Variants in PRKN observed in about 807,000 individuals in gnomAD.
PRKN encodes parkin RBR E3 ubiquitin protein ligase.
PRKN carries 56 observed loss-of-function variants against 59.5 expected under a neutral mutation model. The ratio of observed to expected loss-of-function variants is 0.94; its 90% confidence interval spans 0.76 to 1.18. The LOEUF is 1.18. Ranked by LOEUF, PRKN falls within the 50% of genes most tolerant of loss-of-function variation. The pLI, the probability that PRKN is intolerant of heterozygous loss-of-function variation, is 0.00. For synonymous variants in PRKN, 250 were observed against 222.1 expected (o/e 1.13, Z -1.12); for missense variants, 657 against 596.4 (o/e 1.10, Z -1.06).
intron 7 of PRKN, 127 bp downstream of exon 7, chr6:161,785,645 A>T: frequency 1.1e-6 from 1 of 916,290 alleles, no homozygotes; most frequent in East Asian, 2.6e-5. Context: ...AATGTTTCAT[A>T]TCCAGCAATG....
chr6:161,545,567 A>C lies in PRKN; in HGVS notation c.1083+3287T>G, dbSNP rs1779767843. 1.4e-6 allele frequency: 1 copy of C among 704,252 alleles called. No homozygotes were observed. Among genetic ancestry groups the C allele is most frequent in the Non-Finnish European group, 2.5e-6 (1 of 393,558 alleles). 43.6% of individuals were successfully genotyped at this position (704,252 alleles called of 1,614,324 possible). A position where few individuals can be genotyped will look rare whatever the true frequency, so the allele number is the denominator to read the frequency against. On this transcript the variant is annotated intron_variant, in intron 9 of 11. Coordinates refer to ENST00000366898, the MANE Select transcript of PRKN (RefSeq NM_004562.3). This position sits in a 1 kb window ranked among gnomAD's most constrained non-coding sequence, Gnocchi z 4.1. ...ACAATGGCTTTCCATTACACTCCTT[A>C]AACCCAGAAAAGATGGGCAGCTTAC...
intron 6 of PRKN, among the ~76,000 whole-genome samples, chr6:161,866,793 T>C (rs1392718118): frequency 6.6e-6 from 1 of 151,942 alleles, no homozygotes; most frequent in East Asian, 1.9e-4. Flanking sequence ...TGTGAGTAGG[T>C]GTGGGAGGAT....
intron 5 of PRKN, among the ~76,000 whole-genome samples, chr6:161,975,899 G>A (rs1477592430): frequency 2.6e-5 from 4 of 152,072 alleles, no homozygotes; most frequent in Non-Finnish European, 5.9e-5. Context: ...CAAAAATCTG[G>A]AGTGTGCCAT....
chr6:162,611,297 T>A (rs1418467358), intron 1 of PRKN, among the ~76,000 whole-genome samples: 2 of 152,138 alleles, frequency 1.3e-5, no homozygotes, highest in African/African-American at 4.8e-5. Flanking sequence ...TTTCAAATAT[T>A]TGGATGATAG....
chr6:161,931,900 A>T (rs926400230), intron 6 of PRKN, among the ~76,000 whole-genome samples: 4 of 152,204 alleles, frequency 2.6e-5, no homozygotes, highest in African/African-American at 9.6e-5. Context: ...AAATGATTTA[A>T]TTTCTTACCG....
chr6:161,495,407 A>G lies in PRKN; in HGVS notation c.1083+53447T>C, dbSNP rs143912543. Reference sequence around the variant, plus strand: ...TTCTCCTCCCGTCTGCAGTATAAGAAGCCTTCACTGGGCACGTGTCTGCCA... The same window carrying G: ...TTCTCCTCCCGTCTGCAGTATAAGAGGCCTTCACTGGGCACGTGTCTGCCA... On this transcript the variant is annotated intron_variant, in intron 9 of 11. Transcript: ENST00000366898. Among the ~76,000 whole-genome samples, 242 of 152,348 alleles carry G rather than the reference A, an allele frequency of 1.6e-3. 1 individual carries two copies. In the Middle Eastern group the frequency reaches 0.017, roughly 11 times the overall value.
chr6:161,455,787 C>T (rs539440885), intron 9 of PRKN, among the ~76,000 whole-genome samples: 6 of 149,738 alleles, frequency 4.0e-5, no homozygotes, highest in Non-Finnish European at 7.4e-5. Flanking sequence ...CTCTCGAACC[C>T]GGGAGGCGGA....
At chr6:162,717,859 C>A (rs557669236) in intron 1 of PRKN, among the ~76,000 whole-genome samples, 7 of 152,288 alleles carry the variant, frequency 4.6e-5, no homozygotes, top group African/African-American at 1.7e-4. Flanking sequence ...AAAGTAGAAT[C>A]CGTTTTAAAT....
intron 9 of PRKN, among the ~76,000 whole-genome samples, chr6:161,481,122 T>C (rs2315314): frequency 0.46 from 70,151 of 152,116 alleles, 17,771 homozygotes; most frequent in Middle Eastern, 0.59. Context: ...AAATATTACA[T>C]GCCACCATAG....
At chr6:162,041,121 G>A (rs930991230) in intron 5 of PRKN, among the ~76,000 whole-genome samples, 51 of 152,064 alleles carry the variant, frequency 3.4e-4, no homozygotes, top group Non-Finnish European at 7.4e-5. Context: ...GGAGGCAGGG[G>A]TTGCGACCAG....
intron 6 of PRKN, among the ~76,000 whole-genome samples, chr6:161,832,343 G>A (rs769991228): frequency 3.9e-5 from 6 of 152,066 alleles, no homozygotes; most frequent in Admixed American, 6.5e-5. Flanking sequence ...ATCAATATCG[G>A]CCGGGTGGGG....
intron 4 of PRKN, among the ~76,000 whole-genome samples, chr6:162,142,199 G>T (rs1016536349): frequency 1.3e-5 from 2 of 151,990 alleles, no homozygotes; most frequent in African/African-American, 2.4e-5. Context: ...AGTGAGAAGG[G>T]GTATTATACT....
intron 5 of PRKN, among the ~76,000 whole-genome samples, chr6:161,985,291 C>T (rs547879635): frequency 3.3e-5 from 5 of 152,276 alleles, no homozygotes; most frequent in South Asian, 2.1e-4. Context: ...AAGAACATAA[C>T]GGCACCCAAA....
chr6:161,369,124 G>T lies in PRKN; in HGVS notation c.1168-8919C>A, dbSNP rs1409110820. Among the ~76,000 whole-genome samples, 7 of 152,180 alleles carry T rather than the reference G, an allele frequency of 4.6e-5. No homozygotes were observed. Among genetic ancestry groups the T allele is most frequent in the African/African-American group, 1.4e-4 (6 of 41,456 alleles). On this transcript the variant is annotated intron_variant, in intron 10 of 11. Transcript: ENST00000366898. The surrounding 1 kb of genome is among the most constrained non-coding windows in gnomAD (Gnocchi z 5.8). ...CCTTTGACTGCCACTTCCGAGAGGGGATTTCTACCAGGAGGAGCACATCTT... is the reference window on the plus strand; with the variant it reads ...CCTTTGACTGCCACTTCCGAGAGGGTATTTCTACCAGGAGGAGCACATCTT...
chr6:161,502,768 A>C lies in PRKN; in HGVS notation c.1083+46086T>G, dbSNP rs1440309138. Among the ~76,000 whole-genome samples the C allele has an allele frequency of 1.3e-5, 2 of 152,136 alleles. No homozygotes were observed. The highest frequency in any genetic ancestry group is 1.3e-4 in the Admixed American group (2 of 15,274). On this transcript the variant is annotated intron_variant, in intron 9 of 11. Coordinates refer to ENST00000366898, the MANE Select transcript of PRKN (RefSeq NM_004562.3). The surrounding 1 kb of genome is among the most constrained non-coding windows in gnomAD (Gnocchi z 4.0). ...TCGGTGAGGGTATGAGGTGGCTCTGATCCATGCTCTACGGTGAATGTGTGG... is the reference window on the plus strand; with the variant it reads ...TCGGTGAGGGTATGAGGTGGCTCTGCTCCATGCTCTACGGTGAATGTGTGG...
At chr6:162,255,123 AAAAT>A (rs1186716734) in intron 3 of PRKN, among the ~76,000 whole-genome samples, 8 of 151,474 alleles carry the variant, frequency 5.3e-5, no homozygotes, top group Non-Finnish European at 8.8e-5. Context: ...AAAATAAAAT[AAAAT>A]AAAAACCCTG....
chr6:162,578,856 AT>A (rs1480774225), intron 1 of PRKN, among the ~76,000 whole-genome samples: 4 of 152,148 alleles, frequency 2.6e-5, no homozygotes, highest in Non-Finnish European at 5.9e-5. Flanking sequence ...CTTATGTCAT[AT>A]TTTTTCTTAG....
In PRKN at chr6:161,483,900, G is replaced by A. The variant is rs567929334; in HGVS notation, c.1083+64954C>T. 2.4e-4 allele frequency among the ~76,000 whole-genome samples: 36 copies of A among 152,262 alleles called. No individual in the cohort carries two copies. The highest frequency in any genetic ancestry group is 3.4e-4 in the Non-Finnish European group (23 of 68,018). On this transcript the variant is annotated intron_variant, in intron 9 of 11. Coordinates refer to ENST00000366898, the MANE Select transcript of PRKN (RefSeq NM_004562.3). This position sits in a 1 kb window ranked among gnomAD's most constrained non-coding sequence, Gnocchi z 5.0. The stretch of plus-strand genomic sequence containing the variant: ...AGGGACATGGATGAAGCTGGAAACC[G>A]TTATCCTCAGCAAACTAATGCAGGA...
chr6:162,181,027 T>C (rs896804902), intron 4 of PRKN, among the ~76,000 whole-genome samples: 1 of 152,194 alleles, frequency 6.6e-6, no homozygotes, highest in South Asian at 2.1e-4. Flanking sequence ...CCCTGCAACA[T>C]TTGTAAGCTT....
Sources: gnomAD v4.1 joint callset for allele counts (sites outside exome capture counted in the v4.1 genomes callset) on GRCh38, gnomAD v4.1.1 for gene constraint, Gnocchi (gnomAD v3.1) non-coding constraint, MANE v1.5 for transcripts, NCBI Gene and HGNC (gene_info 2026-07-23, HGNC 2026-07-21) for gene names.